MALRD1: variants seen among roughly 807,000 people sequenced by gnomAD.
MALRD1 encodes the protein MAM and LDL-receptor class A domain-containing protein 1.
MALRD1 carries 247 observed loss-of-function variants against 242.1 expected under a neutral mutation model. That is an observed-to-expected ratio of 1.02 (90% confidence interval 0.92 to 1.13). The LOEUF (loss-of-function observed/expected upper bound fraction) is 1.13. MALRD1 is among the 50% of genes most tolerant of loss of function. MALRD1 has a pLI of 0.00. For missense variants in MALRD1, 2,989 were observed against 2,533.1 expected (o/e 1.18, Z -3.86); for synonymous variants, 995 against 866.6 (o/e 1.15, Z -2.60).
intron 21 of MALRD1, among the ~76,000 whole-genome samples, chr10:19,308,797 G>A (rs1482025936): frequency 6.6e-6 from 1 of 151,446 alleles, no homozygotes; most frequent in Non-Finnish European, 1.5e-5. Context: ...CCAGTGTTTG[G>A]AACAAAAGAG....
Position 19,203,859 on chromosome 10 carries a change from C to T in MALRD1, c.2083C>T (p.His695Tyr). 1.3e-6 allele frequency: 2 copies of T among 1,550,492 alleles called. No individual in the cohort carries two copies. The highest frequency in any genetic ancestry group is 1.7e-6 in the Non-Finnish European group (2 of 1,146,922). The change falls in exon 15 of 40, where the codon CAT becomes TAT. Residue 695 changes from histidine (H) to tyrosine (Y), a missense_variant. Transcript: ENST00000454679. ...TGAGCACCAGGCTCCACCTCGGGATCATAGTCTCAACGCATCTCAAGGTAA... is the reference window on the plus strand; with the variant it reads ...TGAGCACCAGGCTCCACCTCGGGATTATAGTCTCAACGCATCTCAAGGTAA... ...DFEHQAPPRD[H>Y]SLNASQGHFM...
Position 19,136,727 on chromosome 10 carries a change from T to A in MALRD1, c.1357T>A (p.Cys453Ser). The change falls in exon 10 of 40, where the codon TGT becomes AGT. Residue 453 changes from cysteine (C) to serine (S), a missense_variant. By Grantham distance (112) the Cys-to-Ser change is moderately radical. Coordinates refer to ENST00000454679, the MANE Select transcript of MALRD1 (RefSeq NM_001142308.3). ...SGQCIAKESV[C>S]DSRQDCSDES... ...CCAGTGCATCGCCAAAGAATCTGTC[T>A]GTGACTCTCGGCAGGACTGCTCCGA... 8.1e-7 allele frequency: 1 copy of A among 1,231,704 alleles called. No individual in the cohort carries two copies. The highest frequency in any genetic ancestry group is 1.0e-6 in the Non-Finnish European group (1 of 987,996). The allele number at this position is 1,231,704 out of a possible 1,614,324, so 76.3% of individuals were successfully genotyped here.
chr10:19,327,479 A>AG, intron 22 of MALRD1, 84 bp from the exon 23 acceptor site: 1 of 1,112,384 alleles, frequency 9.0e-7, no homozygotes, highest in African/African-American at 1.6e-5. Flanking sequence ...ACTAAAAAAA[A>AG]AAAAATCACT....
At chr10:19,398,427 G>A (rs1159668539) in intron 28 of MALRD1, among the ~76,000 whole-genome samples, 1 of 152,122 alleles carries the variant, frequency 6.6e-6, no homozygotes, top group Non-Finnish European at 1.5e-5. Context: ...GGAGGATGAA[G>A]TAACTACCAT....
intron 1 of MALRD1, among the ~76,000 whole-genome samples, chr10:19,059,490 G>A (rs758052217): frequency 4.9e-4 from 74 of 151,984 alleles, no homozygotes; most frequent in Non-Finnish European, 8.7e-4. Flanking sequence ...CGGTTCAAGC[G>A]ATTCTCCTGC....
chr10:19,583,618 C>T (rs373377806), intron 33 of MALRD1, among the ~76,000 whole-genome samples: 40 of 151,944 alleles, frequency 2.6e-4, no homozygotes, highest in African/African-American at 8.4e-4. Context: ...CTGCTGGATT[C>T]GGTTTGCCAG....
chr10:19,352,224 CATT>C lies in MALRD1; in HGVS notation c.4369_4371del (p.Ile1457del). ...AGCGTGGAGACATTGCACTTGATGA[CATT>C]GTGCTTACAGAAAATTGTCTATCAC... On this transcript the variant is annotated inframe_deletion, in exon 26 of 40. Transcript: ENST00000454679. The C allele has an allele frequency of 2.6e-6, 4 of 1,550,372 alleles. No homozygotes were observed. The highest frequency in any genetic ancestry group is 3.5e-6 in the Non-Finnish European group (4 of 1,146,886).
At chr10:19,659,988 G>T (rs148588585) in intron 36 of MALRD1, among the ~76,000 whole-genome samples, 1 of 152,224 alleles carries the variant, frequency 6.6e-6, no homozygotes, top group African/African-American at 2.4e-5. Context: ...CCCCTTTACA[G>T]TGCCTTTAGC....
chr10:19,700,522 CA>C (rs1564552173), intron 38 of MALRD1, among the ~76,000 whole-genome samples: 1 of 151,876 alleles, frequency 6.6e-6, no homozygotes, highest in East Asian at 1.9e-4. Context: ...TGAATAATTG[CA>C]AAAAATAGGA....
rs3042437 is a variant in MALRD1 at position 19,070,836 on chromosome 10, CTT to C, written c.340+4006_340+4007del. On this transcript the variant is annotated intron_variant, in intron 2 of 39. Transcript: ENST00000454679. ...AAGTTGCATAGACTCAAATGACAAA[CTT>C]TTTTTTTTTTTTTTTTTTTTTTTTT... 7.3e-3 allele frequency among the ~76,000 whole-genome samples: 385 copies of C among 52,420 alleles called. 1 individual carries two copies. The highest frequency in any genetic ancestry group is 0.024 in the African/African-American group (340 of 13,948). The allele number at this position is 52,420 out of a possible 152,430, so 34.4% of individuals were successfully genotyped here.
At chr10:19,666,823 C>T (rs900051578) in intron 36 of MALRD1, among the ~76,000 whole-genome samples, 11 of 152,164 alleles carry the variant, frequency 7.2e-5, no homozygotes, top group Admixed American at 2.6e-4. Context: ...CATATAAATC[C>T]ACAAGGGCAG....
intron 36 of MALRD1, among the ~76,000 whole-genome samples, chr10:19,678,026 A>G (rs1842208081): frequency 1.3e-5 from 2 of 151,992 alleles, no homozygotes; most frequent in Non-Finnish European, 2.9e-5. Flanking sequence ...CCATTGGTCT[A>G]TGTTTCTGTT....
chr10:19,365,374 A>T (rs1260356900), intron 26 of MALRD1, among the ~76,000 whole-genome samples: 1 of 152,106 alleles, frequency 6.6e-6, no homozygotes, highest in African/African-American at 2.4e-5. Flanking sequence ...TGAACTGGAC[A>T]TACTGCAGGT....
chr10:19,473,068 C>A (rs544258680), intron 29 of MALRD1, among the ~76,000 whole-genome samples: 1 of 147,660 alleles, frequency 6.8e-6, no homozygotes, highest in Non-Finnish European at 1.5e-5. Flanking sequence ...TTTTTGGCAT[C>A]CAAAGCTTGT....
chr10:19,720,871 T>A (rs1834714379), intron 38 of MALRD1, among the ~76,000 whole-genome samples: 1 of 152,074 alleles, frequency 6.6e-6, no homozygotes, highest in Non-Finnish European at 1.5e-5. Context: ...ACTTTAAGGT[T>A]TTGAGAAAAG....
At chr10:19,443,951 T>A (rs1013705312) in intron 28 of MALRD1, among the ~76,000 whole-genome samples, 1 of 152,138 alleles carries the variant, frequency 6.6e-6, no homozygotes, top group Non-Finnish European at 1.5e-5. Context: ...CTAAGTCTCT[T>A]TGTAGGTCTC....
chr10:19,497,949 G>A (rs1837796149), intron 30 of MALRD1, among the ~76,000 whole-genome samples: 1 of 152,150 alleles, frequency 6.6e-6, no homozygotes, highest in South Asian at 2.1e-4. Flanking sequence ...AACACTTTTA[G>A]AAGAGAATTT....
chr10:19,076,127 C>G (rs541562040), intron 2 of MALRD1, among the ~76,000 whole-genome samples: 1 of 151,790 alleles, frequency 6.6e-6, no homozygotes, highest in African/African-American at 2.4e-5. Context: ...CTTTTTTATT[C>G]TTACCCCGAT....
chr10:19,622,493 T>G (rs998630688), intron 36 of MALRD1, among the ~76,000 whole-genome samples: 1 of 151,842 alleles, frequency 6.6e-6, no homozygotes, highest in African/African-American at 2.4e-5. Context: ...CCTGGATAGT[T>G]GACTCAACAT....
Sources: allele counts gnomAD v4.1 joint callset (sites outside exome capture counted in the v4.1 genomes callset), GRCh38; gene constraint gnomAD v4.1.1; transcripts MANE v1.5; gene names NCBI Gene and HGNC (gene_info 2026-07-23, HGNC 2026-07-21).